Variants in TEX9 observed in about 807,000 individuals in gnomAD.
The protein encoded by TEX9 is testis-expressed protein 9.
In TEX9, 74 loss-of-function variants were observed where a neutral mutation model predicts 59.6. That is an observed-to-expected ratio of 1.24 (90% confidence interval 1.03 to 1.51). The LOEUF (loss-of-function observed/expected upper bound fraction) is 1.51. Ranked by LOEUF, TEX9 falls within the 40% of genes most tolerant of loss-of-function variation. The pLI is 0.00. For missense variants in TEX9, 522 were observed against 447.8 expected, an observed-to-expected ratio of 1.17 and a Z score of -1.49; for synonymous variants, 186 against 152.2, an observed-to-expected ratio of 1.22 and a Z score of -1.64.
intron 1 of TEX9, among the ~76,000 whole-genome samples, chr15:56,325,050 A>C (rs2045993850): frequency 6.6e-6 from 1 of 152,228 alleles, no homozygotes; most frequent in Non-Finnish European, 1.5e-5. Context: ...AAACAGGTTT[A>C]AGTCAGTTTG....
chr15:56,403,102 C>G (rs1359783100), intron 9 of TEX9, among the ~76,000 whole-genome samples: 2 of 152,240 alleles, frequency 1.3e-5, no homozygotes, highest in African/African-American at 4.8e-5. Context: ...TCTCACCACT[C>G]CAGTTCAACA....
intron 1 of TEX9, among the ~76,000 whole-genome samples, chr15:56,353,871 A>G (rs765677834): frequency 2.0e-4 from 31 of 152,194 alleles, no homozygotes; most frequent in Middle Eastern, 3.2e-3. Flanking sequence ...GTACTTTACT[A>G]TAAATGTCTT....
chr15:56,416,315 C>A (rs578169477), intron 10 of TEX9, among the ~76,000 whole-genome samples: 1 of 151,926 alleles, frequency 6.6e-6, no homozygotes, highest in African/African-American at 2.4e-5. Flanking sequence ...ATGCTTCCAG[C>A]TTTTGTCCAT....
intron 10 of TEX9, among the ~76,000 whole-genome samples, chr15:56,423,062 C>T (rs795782): frequency 1 from 152,164 of 152,300 alleles, 76,014 homozygotes; most frequent in Non-Finnish European, 1. Context: ...GACAGTTGAG[C>T]TGCTTCCCAA....
chr15:56,426,149 T>G (rs2050231450), intron 10 of TEX9, among the ~76,000 whole-genome samples: 1 of 152,090 alleles, frequency 6.6e-6, no homozygotes, highest in African/African-American at 2.4e-5. Context: ...GCTTCCAACC[T>G]GATATCCAAA....
chr15:56,248,611 T>C (rs1281070033), intron 1 of TEX9, among the ~76,000 whole-genome samples: 6 of 152,234 alleles, frequency 3.9e-5, no homozygotes, highest in Non-Finnish European at 5.9e-5. Context: ...CATATACATG[T>C]TTATGTTGTA....
chr15:56,279,417 A>G (rs899365155), intron 1 of TEX9, among the ~76,000 whole-genome samples: 1 of 152,202 alleles, frequency 6.6e-6, no homozygotes, highest in Admixed American at 6.5e-5. Context: ...CTCATTATCA[A>G]GGGAATCAAC....
chr15:56,423,999 T>A (rs1384236434), intron 10 of TEX9, among the ~76,000 whole-genome samples: 1 of 152,182 alleles, frequency 6.6e-6, no homozygotes, highest in Non-Finnish European at 1.5e-5. Flanking sequence ...GTCTCTTAAA[T>A]CTAATTGGTC....
intron 1 of TEX9, among the ~76,000 whole-genome samples, chr15:56,353,685 A>G (rs1480996716): frequency 6.6e-6 from 1 of 152,358 alleles, no homozygotes; most frequent in South Asian, 2.1e-4. Context: ...TTAAAGTGAC[A>G]TACAGGAATA....
At chr15:56,339,389 A>AAAAAAAAAAAAAAAAAAAAAAAC (rs2046323432) in intron 1 of TEX9, among the ~76,000 whole-genome samples, 1 of 105,594 alleles carries the variant, frequency 9.5e-6, no homozygotes, top group African/African-American at 3.5e-5. Flanking sequence ...TCTCCAAAAA[A>AAAAAAAAAAAAAAAAAAAAAAAC]AAAAAAAAAA....
intron 12 of TEX9, among the ~76,000 whole-genome samples, chr15:56,436,509 G>C (rs542524548): frequency 6.6e-6 from 1 of 152,134 alleles, no homozygotes; most frequent in Non-Finnish European, 1.5e-5. Flanking sequence ...AATCAGGAAA[G>C]ATCTAAAATT....
At chr15:56,415,640 T>G (rs1195423025) in intron 10 of TEX9, among the ~76,000 whole-genome samples, 1 of 151,926 alleles carries the variant, frequency 6.6e-6, no homozygotes, top group Non-Finnish European at 1.5e-5. Flanking sequence ...TTTTGGTTAT[T>G]GTAGACTTGT....
chr15:56,320,398 T>G (rs1203480632), intron 1 of TEX9, among the ~76,000 whole-genome samples: 1 of 152,190 alleles, frequency 6.6e-6, no homozygotes, highest in African/African-American at 2.4e-5. Context: ...ATTTAGTTTC[T>G]GGTAAGGGCT....
At chr15:56,433,287 C>T (rs1453926361) in intron 12 of TEX9, among the ~76,000 whole-genome samples, 2 of 151,916 alleles carry the variant, frequency 1.3e-5, no homozygotes, top group South Asian at 2.1e-4. Flanking sequence ...GAAGGGAGAG[C>T]ATTAGGACAA....
At chr15:56,434,435 C>A in intron 12 of TEX9, 2 of 1,557,530 alleles carry the variant, frequency 1.3e-6, no homozygotes, top group Non-Finnish European at 8.7e-7. Context: ...TAACTATTTC[C>A]TTACACCAGA....
intron 8 of TEX9, 119 bp downstream of exon 8, chr15:56,394,366 A>C (rs1442303208): frequency 3.3e-5 from 29 of 866,120 alleles, no homozygotes; most frequent in Non-Finnish European, 4.5e-5. Flanking sequence ...TTTGAATTCA[A>C]AAATTGTATA....
intron 12 of TEX9, chr15:56,428,618 G>GTTGT (rs775340538): frequency 6.1e-6 from 3 of 492,324 alleles, no homozygotes; most frequent in Non-Finnish European, 7.1e-6. Flanking sequence ...CTCTTTTTGA[G>GTTGT]TTGTTTTTTA....
the TEX9 span, among the ~76,000 whole-genome samples, chr15:56,452,666 G>A: frequency 6.6e-6 from 1 of 151,818 alleles, no homozygotes; most frequent in Non-Finnish European, 1.5e-5. Context: ...CTACAGGCGT[G>A]TGCCACCAGG....
intron 10 of TEX9, among the ~76,000 whole-genome samples, chr15:56,419,162 T>A (rs2049849326): frequency 1.3e-5 from 2 of 151,924 alleles, no homozygotes; most frequent in South Asian, 4.1e-4. Flanking sequence ...TTTGATGTTA[T>A]AAATGTTCTT....
Sources: allele counts gnomAD v4.1 joint callset (sites outside exome capture counted in the v4.1 genomes callset), GRCh38; gene constraint gnomAD v4.1.1; transcripts MANE v1.5; gene names NCBI Gene and HGNC (gene_info 2026-07-23, HGNC 2026-07-21).